The following VAV3 variants were observed in gnomAD, a reference collection of about 807,000 sequenced individuals.
The protein encoded by VAV3 is vav guanine nucleotide exchange factor 3.
Under a neutral mutation model 131.2 loss-of-function variants are expected in VAV3, and 94 were observed. The observed-to-expected ratio is 0.72, with a 90% confidence interval of 0.61 to 0.85. The LOEUF is 0.85. VAV3 is among the 40% of genes least tolerant of loss of function. VAV3 has a pLI of 0.00. For synonymous variants in VAV3, 349 were observed against 342.0 expected (o/e 1.02, Z -0.22); for missense variants, 939 against 1,002.7 (o/e 0.94, Z 0.86).
Position 107,826,917 on chromosome 1 carries a change from C to G in VAV3, c.322-47425G>C, listed in dbSNP as rs190179464. Among the ~76,000 whole-genome samples, 355 of 152,108 alleles carry G rather than the reference C, an allele frequency of 2.3e-3. 4 individuals carry two copies. Among genetic ancestry groups the G allele is most frequent in the African/African-American group, 8.0e-3 (333 of 41,508 alleles). Reference sequence around the variant, plus strand: ...TTAATATCTAAGCACTAAATATTATCACTTGTTTCAGTTTTTTATATTAAA... The same window carrying G: ...TTAATATCTAAGCACTAAATATTATGACTTGTTTCAGTTTTTTATATTAAA... On this transcript the variant is annotated intron_variant, in intron 2 of 26. Coordinates refer to ENST00000370056, the MANE Select transcript of VAV3 (RefSeq NM_006113.5).
At chr1:107,805,551 A>T (rs1298992240) in intron 2 of VAV3, among the ~76,000 whole-genome samples, 2 of 152,190 alleles carry the variant, frequency 1.3e-5, no homozygotes, top group Non-Finnish European at 2.9e-5. Context: ...TGGTAAATTT[A>T]TGAATTGCTT....
intron 24 of VAV3, among the ~76,000 whole-genome samples, chr1:107,598,497 A>C (rs1651574040): frequency 6.6e-6 from 1 of 152,196 alleles, no homozygotes; most frequent in South Asian, 2.1e-4. Flanking sequence ...TCCAAATATT[A>C]TATCTATAAC....
chr1:107,814,363 T>C (rs897712759), intron 2 of VAV3, among the ~76,000 whole-genome samples: 13 of 152,198 alleles, frequency 8.5e-5, no homozygotes, highest in African/African-American at 3.1e-4. Flanking sequence ...TTAGATGATG[T>C]ATCATTGTGG....
At chr1:107,822,789 G>C (rs1667856689) in intron 2 of VAV3, among the ~76,000 whole-genome samples, 1 of 152,142 alleles carries the variant, frequency 6.6e-6, no homozygotes, top group South Asian at 2.1e-4. Context: ...TAAAATAGTA[G>C]CAAAAGAGGT....
intron 17 of VAV3, among the ~76,000 whole-genome samples, chr1:107,691,889 G>A (rs1044165185): frequency 1.3e-5 from 2 of 151,960 alleles, no homozygotes; most frequent in Admixed American, 1.3e-4. Context: ...CAATTTTCAT[G>A]GAAGCTTTAA....
intron 2 of VAV3, among the ~76,000 whole-genome samples, chr1:107,842,397 T>C (rs1668761638): frequency 6.6e-6 from 1 of 152,208 alleles, no homozygotes; most frequent in Admixed American, 6.5e-5. Context: ...TCCTTCCCAC[T>C]GATTTTTAGT....
At chr1:107,584,070 A>T (rs368804278) in intron 25 of VAV3, among the ~76,000 whole-genome samples, 2 of 152,050 alleles carry the variant, frequency 1.3e-5, no homozygotes, top group East Asian at 1.9e-4. Flanking sequence ...TATAGATCAA[A>T]GGAACAGAAC....
intron 1 of VAV3, among the ~76,000 whole-genome samples, chr1:107,920,684 T>C (rs991364463): frequency 4.6e-5 from 7 of 152,200 alleles, no homozygotes; most frequent in African/African-American, 1.7e-4. Context: ...TTTTAAAAAA[T>C]TAAAGTGAGC....
At chr1:107,918,871 A>T (rs113245034) in intron 1 of VAV3, among the ~76,000 whole-genome samples, 1 of 151,512 alleles carries the variant, frequency 6.6e-6, no homozygotes, top group Non-Finnish European at 1.5e-5. Context: ...ATGCCCAGCT[A>T]ATTTTTTGTA....
intron 19 of VAV3, among the ~76,000 whole-genome samples, chr1:107,649,976 T>G (rs1019703508): frequency 9.9e-5 from 15 of 151,866 alleles, no homozygotes; most frequent in African/African-American, 3.6e-4. Context: ...GATTAGAGAG[T>G]GACAGGGGTG....
At chr1:107,936,557 G>GT (rs1673719588) in intron 1 of VAV3, among the ~76,000 whole-genome samples, 2 of 152,108 alleles carry the variant, frequency 1.3e-5, no homozygotes, top group Non-Finnish European at 2.9e-5. Flanking sequence ...GGCAACTTCT[G>GT]TTTTTAATTG....
At chr1:107,938,703 T>A (rs1284645015) in intron 1 of VAV3, among the ~76,000 whole-genome samples, 1 of 152,204 alleles carries the variant, frequency 6.6e-6, no homozygotes, top group South Asian at 2.1e-4. Context: ...AATATTCTCA[T>A]GTCAACAAGT....
intron 1 of VAV3, among the ~76,000 whole-genome samples, chr1:107,916,494 C>T (rs910541192): frequency 6.6e-6 from 1 of 152,092 alleles, no homozygotes; most frequent in Non-Finnish European, 1.5e-5. Context: ...TATTTGAGTT[C>T]CTTCTCTGTG....
intron 2 of VAV3, among the ~76,000 whole-genome samples, chr1:107,859,841 GA>G: frequency 6.6e-6 from 1 of 152,022 alleles, no homozygotes; most frequent in East Asian, 1.9e-4. Flanking sequence ...CAAATTCAAA[GA>G]AACTAGCTAT....
intron 1 of VAV3, among the ~76,000 whole-genome samples, chr1:107,938,577 A>T: frequency 6.6e-6 from 1 of 152,150 alleles, no homozygotes; most frequent in Non-Finnish European, 1.5e-5. Context: ...TGTCAGAACA[A>T]TCCAGAAGTG....
intron 1 of VAV3, among the ~76,000 whole-genome samples, chr1:107,901,558 T>A (rs1203149940): frequency 6.6e-6 from 1 of 152,204 alleles, no homozygotes; most frequent in Non-Finnish European, 1.5e-5. Context: ...TGTAATCTTA[T>A]TCCAAGATTT....
At chr1:107,772,618 G>C in intron 5 of VAV3, 117 bp downstream of exon 5, 1 of 808,564 alleles carries the variant, frequency 1.2e-6, no homozygotes, top group Non-Finnish European at 1.9e-6. Flanking sequence ...TAATTATATA[G>C]TTATAAGCAA....
chr1:107,659,491 A>C (rs1229761573), intron 19 of VAV3, among the ~76,000 whole-genome samples: 2 of 152,192 alleles, frequency 1.3e-5, no homozygotes, highest in Non-Finnish European at 2.9e-5. Flanking sequence ...CTGGGATTCC[A>C]AAGTTTCTTC....
chr1:107,896,087 G>T (rs1165242493), intron 1 of VAV3, among the ~76,000 whole-genome samples: 1 of 152,130 alleles, frequency 6.6e-6, no homozygotes. Flanking sequence ...GCACCTGCAG[G>T]ATTCTAATTC....
Sources: allele counts gnomAD v4.1 joint callset (sites outside exome capture counted in the v4.1 genomes callset), GRCh38; gene constraint gnomAD v4.1.1; transcripts MANE v1.5; gene names NCBI Gene and HGNC (gene_info 2026-07-23, HGNC 2026-07-21).